Variants in ZMIZ1 observed in about 807,000 individuals in gnomAD.
ZMIZ1 encodes zinc finger MIZ domain-containing protein 1.
A neutral mutation model predicts 113.9 loss-of-function variants in ZMIZ1; 17 were observed. The ratio of observed to expected loss-of-function variants is 0.15; its 90% confidence interval spans 0.10 to 0.22. The LOEUF is 0.22. Among genes scored for constraint, ZMIZ1 ranks in the 10% least tolerant of loss-of-function variants. ZMIZ1 has a pLI of 1.00. For missense variants in ZMIZ1, 1,059 were observed against 1,477.8 expected (o/e 0.72, Z 4.65); for synonymous variants, 607 against 603.1 (o/e 1.01, Z -0.09).
chr10:79,309,552 A>C (rs982561283), intron 23 of ZMIZ1, among the ~76,000 whole-genome samples: 5 of 152,218 alleles, frequency 3.3e-5, no homozygotes, highest in Non-Finnish European at 4.4e-5. Context: ...CTTGGACTGG[A>C]AGGGCACTGT....
At chr10:79,167,110 G>C (rs187022569) in intron 4 of ZMIZ1, among the ~76,000 whole-genome samples, 2 of 152,166 alleles carry the variant, frequency 1.3e-5, no homozygotes, top group African/African-American at 4.8e-5. Context: ...CCTTCCTCAG[G>C]CCACACCTGT....
chr10:79,290,433 G>A (rs1321452029), intron 9 of ZMIZ1, among the ~76,000 whole-genome samples: 1 of 152,188 alleles, frequency 6.6e-6, no homozygotes, highest in Non-Finnish European at 1.5e-5. Context: ...AAGGCTCAGG[G>A]CTGCTTGTCA....
intron 3 of ZMIZ1, among the ~76,000 whole-genome samples, chr10:79,146,061 C>G (rs995797717): frequency 2.0e-5 from 3 of 152,118 alleles, no homozygotes; most frequent in Non-Finnish European, 4.4e-5. Flanking sequence ...TTTTTTGCGG[C>G]CTTCCTGAGA....
At chr10:79,249,760 T>G (rs1292875065) in intron 7 of ZMIZ1, among the ~76,000 whole-genome samples, 2 of 152,140 alleles carry the variant, frequency 1.3e-5, no homozygotes, top group Non-Finnish European at 2.9e-5. Flanking sequence ...AAGTGGTCAC[T>G]CTGTGGCCCG....
At chr10:79,178,934 G>A (rs531629032) in intron 4 of ZMIZ1, among the ~76,000 whole-genome samples, 11 of 152,312 alleles carry the variant, frequency 7.2e-5, no homozygotes, top group East Asian at 3.9e-4. Context: ...CCCTGCCCCC[G>A]CCTGGCTCAG....
At chr10:79,073,351 G>A (rs905124300) in intron 1 of ZMIZ1, among the ~76,000 whole-genome samples, 22 of 152,242 alleles carry the variant, frequency 1.4e-4, no homozygotes, top group Admixed American at 3.9e-4. Context: ...TAGATTGCAA[G>A]TGCTAGAAGC....
chr10:79,170,777 C>T (rs946811475), intron 4 of ZMIZ1, among the ~76,000 whole-genome samples: 1 of 152,172 alleles, frequency 6.6e-6, no homozygotes, highest in Non-Finnish European at 1.5e-5. Flanking sequence ...CAAAGTGGAA[C>T]GTGCTGGCTA....
rs776220460 is a variant in ZMIZ1 at position 79,300,958 on chromosome 10, CA to C, written c.2019+17del. 8 of 1,605,724 alleles carry C rather than the reference CA, an allele frequency of 5.0e-6. No homozygotes were observed. Among genetic ancestry groups the C allele is most frequent in the South Asian group, 2.2e-5 (2 of 91,032 alleles). On this transcript the variant is annotated intron_variant, in intron 17 of 24. Coordinates refer to ENST00000334512, the MANE Select transcript of ZMIZ1 (RefSeq NM_020338.4). ...CTGCTGCTGCGTGAGTGTGGTGGGC[CA>C]GGGGCAGCGTTGGCACAGGCAGGCC... is the stretch of plus-strand genomic sequence containing the variant.
At chr10:79,149,311 C>T (rs778718224) in intron 3 of ZMIZ1, among the ~76,000 whole-genome samples, 2 of 152,232 alleles carry the variant, frequency 1.3e-5, no homozygotes, top group Non-Finnish European at 2.9e-5. Flanking sequence ...GCTCTCTGGC[C>T]TATTTGCTTT....
At chr10:79,157,015 T>TA (rs1845925906) in intron 3 of ZMIZ1, among the ~76,000 whole-genome samples, 1 of 147,582 alleles carries the variant, frequency 6.8e-6, no homozygotes, top group East Asian at 2.0e-4. Flanking sequence ...TCAGGGAGGG[T>TA]ACCTTGGAGG....
At chr10:79,291,821 T>A (rs1027831383) in intron 10 of ZMIZ1, among the ~76,000 whole-genome samples, 7 of 152,150 alleles carry the variant, frequency 4.6e-5, no homozygotes, top group African/African-American at 1.7e-4. Context: ...AACACAGGGA[T>A]CAGAAACACC....
At chr10:79,130,039 G>A (rs1001135619) in intron 2 of ZMIZ1, among the ~76,000 whole-genome samples, 2 of 152,156 alleles carry the variant, frequency 1.3e-5, no homozygotes, top group African/African-American at 4.8e-5. Flanking sequence ...AGGGCTGCGG[G>A]GAGATGCCTA....
chr10:79,069,497 G>C lies in ZMIZ1; in HGVS notation c.-337+227G>C, dbSNP rs918531287. Among the ~76,000 whole-genome samples the C allele has an allele frequency of 2.0e-5, 3 of 151,728 alleles. No homozygotes were observed. Among genetic ancestry groups the C allele is most frequent in the Middle Eastern group, 3.4e-3 (1 of 292 alleles). ...CTCCCGGCTGCGCGGAGCCGGCTTG[G>C]GCTGCGCGTGGGGGCCGGGTTTGTC... On this transcript the variant is annotated intron_variant, in intron 1 of 24. Transcript: ENST00000334512. This position sits in a 1 kb window ranked among gnomAD's most constrained non-coding sequence, Gnocchi z 4.6.
intron 1 of ZMIZ1, among the ~76,000 whole-genome samples, chr10:79,095,613 C>T (rs1843142319): frequency 6.6e-6 from 1 of 152,046 alleles, no homozygotes; most frequent in African/African-American, 2.4e-5. Context: ...CCCATCTTCT[C>T]CAGGCGCCTG....
intron 1 of ZMIZ1, among the ~76,000 whole-genome samples, chr10:79,095,407 G>T (rs1003673999): frequency 6.6e-6 from 1 of 152,176 alleles, no homozygotes; most frequent in South Asian, 2.1e-4. Flanking sequence ...TTAGAAGACC[G>T]CCCCTTCCAG....
chr10:79,168,234 T>C (rs1846442206), intron 4 of ZMIZ1, among the ~76,000 whole-genome samples: 1 of 152,336 alleles, frequency 6.6e-6, no homozygotes, highest in Admixed American at 6.5e-5. Flanking sequence ...CTCCGTCCAC[T>C]GCAGACAGGG....
At chr10:79,271,453 A>C (rs1851947681) in intron 7 of ZMIZ1, among the ~76,000 whole-genome samples, 1 of 152,192 alleles carries the variant, frequency 6.6e-6, no homozygotes, top group Non-Finnish European at 1.5e-5. Flanking sequence ...GGTGTCACAC[A>C]GTAACAGACA....
At chr10:79,242,409 C>A (rs992704883) in intron 7 of ZMIZ1, among the ~76,000 whole-genome samples, 1 of 152,146 alleles carries the variant, frequency 6.6e-6, no homozygotes, top group African/African-American at 2.4e-5. Flanking sequence ...GGGCCCCTCG[C>A]TCGGGGAATC....
At chr10:79,071,570 G>A (rs1842288324) in intron 1 of ZMIZ1, among the ~76,000 whole-genome samples, 1 of 152,184 alleles carries the variant, frequency 6.6e-6, no homozygotes, top group Non-Finnish European at 1.5e-5. Context: ...AGCCTTCTCA[G>A]CCCCGGCTGC....
Sources: gnomAD v4.1 joint callset for allele counts (sites outside exome capture counted in the v4.1 genomes callset) on GRCh38, gnomAD v4.1.1 for gene constraint, Gnocchi (gnomAD v3.1) non-coding constraint, MANE v1.5 for transcripts, NCBI Gene and HGNC (gene_info 2026-07-23, HGNC 2026-07-21) for gene names.